The following HTR4 variants were observed in gnomAD, a reference collection of about 807,000 sequenced individuals.
HTR4 encodes the protein 5-hydroxytryptamine receptor 4, also known as 5-hydroxytryptamine (serotonin) receptor 4, G protein-coupled.
Under a neutral mutation model 36.8 loss-of-function variants are expected in HTR4, and 16 were observed. The observed-to-expected ratio is 0.43, with a 90% confidence interval of 0.29 to 0.66. The LOEUF is 0.66. Among genes scored for constraint, HTR4 ranks in the 30% least tolerant of loss-of-function variants. The probability of loss-of-function intolerance (pLI) is 0.13; values close to 1 mark genes in which losing one functional copy is unlikely to be tolerated. For missense variants in HTR4, 438 were observed against 490.9 expected (o/e 0.89, Z 1.02); for synonymous variants, 189 against 185.1 (o/e 1.02, Z -0.17).
At chr5:148,594,392 T>C (rs1171911262) in intron 2 of HTR4, among the ~76,000 whole-genome samples, 3 of 151,672 alleles carry the variant, frequency 2.0e-5, no homozygotes, top group Non-Finnish European at 4.4e-5. Context: ...AGTTACCTAA[T>C]TGACATTACA....
intron 6 of HTR4, among the ~76,000 whole-genome samples, chr5:148,495,013 G>C (rs1201719331): frequency 6.6e-6 from 1 of 152,152 alleles, no homozygotes; most frequent in African/African-American, 2.4e-5. Flanking sequence ...AAGTTCTTTG[G>C]AAAGTGCTTG....
downstream of HTR4, among the ~76,000 whole-genome samples, chr5:148,480,047 G>A (rs1031930145): frequency 8.6e-5 from 13 of 152,032 alleles, no homozygotes; most frequent in Non-Finnish European, 1.6e-4. Context: ...TCTGGTCCAC[G>A]TTTGATTTTT....
intron 2 of HTR4, among the ~76,000 whole-genome samples, chr5:148,606,787 G>A (rs775381251): frequency 3.3e-5 from 5 of 152,138 alleles, no homozygotes; most frequent in Non-Finnish European, 7.4e-5. Context: ...ATTGTTCTTT[G>A]ATATATAAAA....
intron 4 of HTR4, among the ~76,000 whole-genome samples, chr5:148,539,137 A>G (rs1178469892): frequency 1.3e-5 from 2 of 152,210 alleles, no homozygotes; most frequent in Non-Finnish European, 2.9e-5. Flanking sequence ...AAGATTCCCT[A>G]TTCAATAAAT....
At chr5:148,642,333 T>C (rs1323409496) in intron 1 of HTR4, among the ~76,000 whole-genome samples, 1 of 152,166 alleles carries the variant, frequency 6.6e-6, no homozygotes, top group Non-Finnish European at 1.5e-5. Context: ...ATTCATGATC[T>C]CAGTTTTCCC....
At chr5:148,604,974 A>G (rs1752087962) in intron 2 of HTR4, among the ~76,000 whole-genome samples, 1 of 152,224 alleles carries the variant, frequency 6.6e-6, no homozygotes, top group South Asian at 2.1e-4. Flanking sequence ...AAATGAGATA[A>G]TAAAGGGAAA....
chr5:148,588,460 C>T (rs1343175531), intron 2 of HTR4, among the ~76,000 whole-genome samples: 2 of 151,348 alleles, frequency 1.3e-5, no homozygotes, highest in Non-Finnish European at 2.9e-5. Flanking sequence ...TACTGCTTTG[C>T]TCCCTCTCCC....
chr5:148,462,503 T>G (rs1755301599), intron 5 of HTR4, among the ~76,000 whole-genome samples: 1 of 151,988 alleles, frequency 6.6e-6, no homozygotes, highest in Non-Finnish European at 1.5e-5. Context: ...ATATATATAT[T>G]AAAGAAATTG....
At chr5:148,523,055 T>C in intron 5 of HTR4, 138 bp downstream of exon 5, 1 of 768,538 alleles carries the variant, frequency 1.3e-6, no homozygotes, top group Non-Finnish European at 2.0e-6. Context: ...TTCAAAAGTG[T>C]TAGCTTTAAA....
At chr5:148,614,772 A>C (rs1168191942) in intron 2 of HTR4, among the ~76,000 whole-genome samples, 1 of 152,210 alleles carries the variant, frequency 6.6e-6, no homozygotes, top group Non-Finnish European at 1.5e-5. Flanking sequence ...AAATTTTCAC[A>C]ACCTACTCAT....
downstream of HTR4, among the ~76,000 whole-genome samples, chr5:148,473,115 T>C (rs928710475): frequency 3.3e-5 from 5 of 151,848 alleles, no homozygotes; most frequent in South Asian, 1.0e-3. Context: ...CTGACTAACA[T>C]GGTGAAACCC....
At chr5:148,589,130 C>A (rs1761461875) in intron 2 of HTR4, among the ~76,000 whole-genome samples, 2 of 152,022 alleles carry the variant, frequency 1.3e-5, no homozygotes, top group African/African-American at 4.8e-5. Flanking sequence ...TACTATTTTG[C>A]TACCACAAGC....
At chr5:148,608,601 G>T (rs908091584) in intron 2 of HTR4, among the ~76,000 whole-genome samples, 10 of 152,198 alleles carry the variant, frequency 6.6e-5, no homozygotes, top group African/African-American at 1.9e-4. Flanking sequence ...AAAAAGTCTG[G>T]ATTTTAATCA....
chr5:148,498,816 T>C (rs1756805052), intron 6 of HTR4, among the ~76,000 whole-genome samples: 1 of 152,136 alleles, frequency 6.6e-6, no homozygotes, highest in South Asian at 2.1e-4. Flanking sequence ...TACCCAAAGA[T>C]AGAAGTCAAC....
chr5:148,531,102 G>T (rs1029824516), intron 4 of HTR4, among the ~76,000 whole-genome samples: 4 of 152,198 alleles, frequency 2.6e-5, no homozygotes, highest in African/African-American at 9.7e-5. Flanking sequence ...TCTCAGATGA[G>T]ATGTTGGACT....
At chr5:148,639,333 C>A (rs1041433740) in intron 1 of HTR4, among the ~76,000 whole-genome samples, 5 of 152,090 alleles carry the variant, frequency 3.3e-5, no homozygotes, top group Admixed American at 6.5e-5. Flanking sequence ...GGCCCCCACT[C>A]TTCTCCAAAC....
chr5:148,505,207 G>C (rs900124738), intron 6 of HTR4, among the ~76,000 whole-genome samples: 8 of 152,104 alleles, frequency 5.3e-5, no homozygotes, highest in African/African-American at 1.9e-4. Flanking sequence ...GGGATGCAAG[G>C]CTGGTTCAAC....
In HTR4 at chr5:148,451,656, A is replaced by C. The variant is rs554440851; in HGVS notation, c.1077-384T>G. Among the ~76,000 whole-genome samples, 11 of 152,248 alleles carry C rather than the reference A, an allele frequency of 7.2e-5. 1 individual carries two copies. In the South Asian group the frequency reaches 2.1e-3, roughly 29 times the overall value. Reference sequence around the variant, plus strand: ...ATGCTATGTCCTATCTACCAGGGATAGTTTTGGGTTCTGACTGCTGATTGA... The same window carrying C: ...ATGCTATGTCCTATCTACCAGGGATCGTTTTGGGTTCTGACTGCTGATTGA... On this transcript the variant is annotated intron_variant, in intron 5 of 5. Coordinates refer to the HTR4 transcript ENST00000521530.
intron 5 of HTR4, among the ~76,000 whole-genome samples, chr5:148,452,965 C>T (rs1378283164): frequency 6.6e-6 from 1 of 152,230 alleles, no homozygotes; most frequent in Non-Finnish European, 1.5e-5. Flanking sequence ...TTGGCTTTGC[C>T]ATTCTGCAAA....
Sources: allele counts gnomAD v4.1 joint callset (sites outside exome capture counted in the v4.1 genomes callset), GRCh38; gene constraint gnomAD v4.1.1; transcripts MANE v1.5; gene names NCBI Gene and HGNC (gene_info 2026-07-23, HGNC 2026-07-21).